The following PPM1L variants were observed in gnomAD, a reference collection of about 807,000 sequenced individuals.
The protein encoded by PPM1L is protein phosphatase 1L.
In PPM1L, 13 loss-of-function variants were observed where a neutral mutation model predicts 31.4. The observed-to-expected ratio is 0.41, with a 90% CI of 0.27 to 0.66. The LOEUF (loss-of-function observed/expected upper bound fraction) is 0.66. Ranked by LOEUF, PPM1L falls within the 30% of genes least tolerant of loss-of-function variation. PPM1L has a pLI of 0.29. For missense variants in PPM1L, 326 were observed against 453.7 expected, an observed-to-expected ratio of 0.72 and a Z score of 2.56; for synonymous variants, 184 against 175.4, an observed-to-expected ratio of 1.05 and a Z score of -0.39.
chr3:160,971,834 G>GCT (rs1226452082), intron 2 of PPM1L, among the ~76,000 whole-genome samples: 1 of 152,144 alleles, frequency 6.6e-6, no homozygotes, highest in African/African-American at 2.4e-5. Context: ...CATGATCTTA[G>GCT]CTCTCTGCAA....
chr3:160,798,551 C>T lies in PPM1L; in HGVS notation c.399+41844C>T, dbSNP rs147005344. The stretch of plus-strand genomic sequence containing the variant: ...GCTTGGATGATAGCACATCTGTTCA[C>T]AGCATGGTTTACTGCATATTTTAAG... On this transcript the variant is annotated intron_variant, in intron 1 of 3. Transcript: ENST00000498165. Among the ~76,000 whole-genome samples the T allele has an allele frequency of 4.5e-3, 684 of 152,260 alleles. 4 individuals carry two copies. The highest frequency in any genetic ancestry group is 0.016 in the African/African-American group (666 of 41,554).
At chr3:160,934,395 G>T (rs929102963) in intron 1 of PPM1L, among the ~76,000 whole-genome samples, 1 of 152,052 alleles carries the variant, frequency 6.6e-6, no homozygotes, top group African/African-American at 2.4e-5. Context: ...GTGATCTGTT[G>T]TTTTTTTCTC....
At chr3:160,775,265 C>T (rs75869997) in intron 1 of PPM1L, among the ~76,000 whole-genome samples, 4 of 152,136 alleles carry the variant, frequency 2.6e-5, no homozygotes, top group Non-Finnish European at 5.9e-5. Context: ...TGTTCCAGTC[C>T]CATGCTCTCC....
rs1464806064 is a variant in PPM1L, at chr3:161,002,646, G to A, written c.574+40736G>A. ...CTGCATAAATGTCTTCTTTTGAGAA[G>A]TGTCTGTTCATGTCCTTCGCCCACT... On this transcript the variant is annotated intron_variant, in intron 2 of 3. Transcript: ENST00000498165. Among the ~76,000 whole-genome samples the A allele has an allele frequency of 2.6e-4, 38 of 145,242 alleles. 1 individual carries two copies. In the South Asian group the frequency reaches 5.6e-3, roughly 21 times the overall value.
chr3:160,949,077 C>G (rs1486864625), intron 1 of PPM1L, among the ~76,000 whole-genome samples: 1 of 152,142 alleles, frequency 6.6e-6, no homozygotes, highest in Non-Finnish European at 1.5e-5. Context: ...TTAAAGAAGG[C>G]AATCCCCTCT....
chr3:160,774,621 T>C (rs1012999549), intron 1 of PPM1L, among the ~76,000 whole-genome samples: 5 of 152,210 alleles, frequency 3.3e-5, no homozygotes, highest in African/African-American at 1.2e-4. Context: ...TATGCAAAAG[T>C]CCGCACTACA....
intron 1 of PPM1L, among the ~76,000 whole-genome samples, chr3:160,890,081 G>A (rs1157904510): frequency 6.6e-6 from 1 of 152,070 alleles, no homozygotes; most frequent in Non-Finnish European, 1.5e-5. Context: ...TTTGAAAACT[G>A]GTACAAGGCA....
chr3:160,784,396 C>A (rs567852657), intron 1 of PPM1L, among the ~76,000 whole-genome samples: 1 of 152,248 alleles, frequency 6.6e-6, no homozygotes, highest in East Asian at 1.9e-4. Context: ...AGCAAATCAT[C>A]TTCTACCATA....
intron 2 of PPM1L, among the ~76,000 whole-genome samples, chr3:161,033,003 A>C (rs545557204): frequency 1.3e-5 from 2 of 151,254 alleles, no homozygotes; most frequent in South Asian, 2.1e-4. Flanking sequence ...CCCACAGAAA[A>C]GTTGTAAAGT....
At chr3:160,950,513 A>G (rs572627128) in intron 1 of PPM1L, among the ~76,000 whole-genome samples, 8 of 152,272 alleles carry the variant, frequency 5.3e-5, no homozygotes, top group Admixed American at 3.3e-4. Context: ...GGCACTTCTT[A>G]AAGTCATGTC....
rs545622438 is a variant in PPM1L at position 160,764,835 on chromosome 3, G to T, written c.399+8128G>T. Among the ~76,000 whole-genome samples the T allele has an allele frequency of 2.0e-5, 3 of 152,194 alleles. No individual in the cohort carries two copies. The East Asian group carries it at 5.8e-4, about 29-fold the overall frequency. On this transcript the variant is annotated intron_variant, in intron 1 of 3. Transcript: ENST00000498165. ...TGATAGAGCAATATTTTATTGAGTA[G>T]ATATTTGAGAAATTACTCAACTGCT...
chr3:160,981,085 T>A (rs1406131495), intron 2 of PPM1L, among the ~76,000 whole-genome samples: 2 of 152,224 alleles, frequency 1.3e-5, no homozygotes, highest in Non-Finnish European at 2.9e-5. Flanking sequence ...TGCCCTGTCC[T>A]GTATGGAAAA....
chr3:160,787,262 A>C (rs1430973986), intron 1 of PPM1L, among the ~76,000 whole-genome samples: 2 of 152,182 alleles, frequency 1.3e-5, no homozygotes, highest in African/African-American at 2.4e-5. Context: ...CCTCACCAGC[A>C]TCTGTTAATT....
intron 1 of PPM1L, among the ~76,000 whole-genome samples, chr3:160,771,483 T>C (rs564867941): frequency 1.3e-5 from 2 of 150,480 alleles, no homozygotes; most frequent in Admixed American, 1.3e-4. Context: ...GCTCAAGCAA[T>C]CTGCCCTCCT....
At chr3:160,965,026 C>T (rs774591208) in intron 2 of PPM1L, among the ~76,000 whole-genome samples, 15 of 151,912 alleles carry the variant, frequency 9.9e-5, no homozygotes, top group South Asian at 2.1e-4. Context: ...CCGAGGTGGG[C>T]GGATCATGAG....
At chr3:160,946,104 G>A (rs1715399762) in intron 1 of PPM1L, among the ~76,000 whole-genome samples, 1 of 152,032 alleles carries the variant, frequency 6.6e-6, no homozygotes, top group African/African-American at 2.4e-5. Flanking sequence ...TGTTGTTTAA[G>A]GGTCAACTGT....
chr3:160,942,700 A>T (rs1715201207), intron 1 of PPM1L, among the ~76,000 whole-genome samples: 1 of 152,206 alleles, frequency 6.6e-6, no homozygotes, highest in Non-Finnish European at 1.5e-5. Flanking sequence ...AATGTAAACC[A>T]TGTAACTTTT....
At chr3:160,932,371 G>A (rs1353952756) in intron 1 of PPM1L, among the ~76,000 whole-genome samples, 1 of 152,160 alleles carries the variant, frequency 6.6e-6, no homozygotes, top group East Asian at 1.9e-4. Context: ...GCTGGACAGT[G>A]CATTAAGAAA....
chr3:160,795,732 T>G (rs1851378), intron 1 of PPM1L, among the ~76,000 whole-genome samples: 64,144 of 152,052 alleles, frequency 0.42, 14,324 homozygotes, highest in East Asian at 0.6. Context: ...ATTTACACGT[T>G]AAGTACATTT....
Sources: gnomAD v4.1 joint callset for allele counts (sites outside exome capture counted in the v4.1 genomes callset) on GRCh38, gnomAD v4.1.1 for gene constraint, MANE v1.5 for transcripts, NCBI Gene and HGNC (gene_info 2026-07-23, HGNC 2026-07-21) for gene names.